Variants in ATG13 observed in about 807,000 individuals in gnomAD.
ATG13 encodes the protein autophagy-related protein 13.
A neutral mutation model predicts 65.5 loss-of-function variants in ATG13; 23 were observed. That is an observed-to-expected ratio of 0.35 (90% CI 0.25 to 0.50). The LOEUF (loss-of-function observed/expected upper bound fraction) is 0.50, where lower values mean the gene tolerates loss of function less well. Ranked by LOEUF, ATG13 falls within the 20% of genes least tolerant of loss-of-function variation. The pLI is 0.98. For missense variants in ATG13, 566 were observed against 677.0 expected, an observed-to-expected ratio of 0.84 and a Z score of 1.82; for synonymous variants, 252 against 245.2, an observed-to-expected ratio of 1.03 and a Z score of -0.26.
intron 14 of ATG13, among the ~76,000 whole-genome samples, chr11:46,666,888 AGTG>A (rs1289554792): frequency 6.6e-6 from 1 of 151,972 alleles, no homozygotes; most frequent in Non-Finnish European, 1.5e-5. Flanking sequence ...CCCACGGTAA[AGTG>A]GGAAGGAGTC....
At chr11:46,672,219 C>G in intron 18 of ATG13, 36 bp from the exon 19 acceptor site, 1 of 1,613,958 alleles carries the variant, frequency 6.2e-7, no homozygotes, top group East Asian at 2.2e-5. Context: ...AAGGCCCTGC[C>G]TGAATAAACG....
At position 46,620,003 on chromosome 11, in the gene ATG13, C is replaced by T. The variant is rs575604960; in HGVS notation, c.-70+2113C>T. 7.5e-5 allele frequency among the ~76,000 whole-genome samples: 11 copies of T among 146,168 alleles called. No homozygotes were observed. In the South Asian group the frequency reaches 1.8e-3, roughly 24 times the overall value. ...TAGATCACGCCATTGCACTCCAGCC[C>T]GGGAGACAGCGCCCCTCTGTCTCAA... is the stretch of plus-strand genomic sequence containing the variant. On this transcript the variant is annotated intron_variant, in intron 1 of 18. Coordinates refer to ENST00000683050, the MANE Select transcript of ATG13 (RefSeq NM_001346311.2).
At chr11:46,657,257 CT>C (rs1262294740) in intron 9 of ATG13, 66 bp downstream of exon 9, 4 of 1,405,368 alleles carry the variant, frequency 2.8e-6, no homozygotes, top group Admixed American at 1.7e-5. Flanking sequence ...TTCTCCTAAA[CT>C]TTAAGACTAA....
chr11:46,618,045 T>C (rs1047725860), intron 1 of ATG13, 155 bp downstream of exon 1: 2 of 395,932 alleles, frequency 5.1e-6, no homozygotes, highest in Non-Finnish European at 8.9e-6. Context: ...GGAAGTTGAG[T>C]TGGTCTAGGC....
intron 15 of ATG13, 110 bp downstream of exon 15, chr11:46,667,997 G>T (rs1263230282): frequency 2.4e-6 from 2 of 837,416 alleles, no homozygotes; most frequent in Non-Finnish European, 3.7e-6. Context: ...TACTGAACTG[G>T]CATGCAAAAC....
chr11:46,635,399 A>T (rs1354039805), intron 2 of ATG13, among the ~76,000 whole-genome samples: 1 of 152,214 alleles, frequency 6.6e-6, no homozygotes, highest in African/African-American at 2.4e-5. Context: ...TTGTGTAATG[A>T]TCAAATCAGG....
chr11:46,645,806 A>G, intron 4 of ATG13, 64 bp from the exon 5 acceptor site: 7 of 1,602,464 alleles, frequency 4.4e-6, no homozygotes, highest in Non-Finnish European at 6.0e-6. Flanking sequence ...CCCAGCATAC[A>G]CTAATTTCTT....
intron 11 of ATG13, 106 bp from the exon 12 acceptor site, chr11:46,663,891 T>C (rs1430313961): frequency 1.3e-6 from 1 of 798,514 alleles, no homozygotes; most frequent in East Asian, 2.6e-5. Flanking sequence ...AGTTCTGGCC[T>C]CTCTTGCTAC....
rs750053002 is a variant in ATG13 at position 46,671,398 on chromosome 11, A to G, written c.1576-857A>G. On this transcript the variant is annotated intron_variant, in intron 18 of 18. Transcript: ENST00000683050. Reference sequence around the variant, plus strand: ...GTTTTCCTCTGCTTCTGTCTTTACCATTCTCTCTCAATCTCTAACTCACCC... The same window carrying G: ...GTTTTCCTCTGCTTCTGTCTTTACCGTTCTCTCTCAATCTCTAACTCACCC... Among the ~76,000 whole-genome samples the G allele has an allele frequency of 5.3e-5, 8 of 152,166 alleles. No homozygotes were observed. In the South Asian group the frequency reaches 6.2e-4, roughly 12 times the overall value.
intron 16 of ATG13, 48 bp downstream of exon 16, chr11:46,668,624 A>G (rs750790911): frequency 1.3e-6 from 2 of 1,585,656 alleles, no homozygotes; most frequent in Non-Finnish European, 1.7e-6. Context: ...TGCGCTAGTC[A>G]TTGTTCTTCC....
chr11:46,648,360 AAATT>A (rs1304613099), intron 5 of ATG13, among the ~76,000 whole-genome samples: 1 of 152,188 alleles, frequency 6.6e-6, no homozygotes. Flanking sequence ...TTTCCCAAAG[AAATT>A]AATTGAGTTT....
intron 7 of ATG13, among the ~76,000 whole-genome samples, chr11:46,654,661 G>A (rs1427361425): frequency 6.6e-6 from 1 of 152,052 alleles, no homozygotes; most frequent in Non-Finnish European, 1.5e-5. Context: ...GGTTGAGGCT[G>A]CAGTGGGCAG....
chr11:46,622,073 TTACATATATATATA>T (rs1206236768), intron 1 of ATG13, among the ~76,000 whole-genome samples: 3 of 82,614 alleles, frequency 3.6e-5, no homozygotes, highest in African/African-American at 1.2e-4. Flanking sequence ...ATTTATTTAT[TTACATATATATATA>T]TATATATATA....
chr11:46,645,432 TATTTAC>T lies in ATG13; in HGVS notation c.150+14_150+19del, dbSNP rs529203319. On this transcript the variant is annotated intron_variant, in intron 4 of 18. Transcript: ENST00000683050. ...GGGTTCAGATTGGGTAAAATTCTAT[TATTTAC>T]TAAGGTGTATACTGTAGTGTTTGTC... The T allele has an allele frequency of 1.8e-4, 295 of 1,607,934 alleles. 6 individuals are homozygous for T. The South Asian group carries it at 2.9e-3, about 16-fold the overall frequency.
intron 11 of ATG13, among the ~76,000 whole-genome samples, chr11:46,663,038 G>C (rs982678709): frequency 6.6e-6 from 1 of 152,066 alleles, no homozygotes; most frequent in African/African-American, 2.4e-5. Context: ...GGCCGAGGTG[G>C]GCGGATCACG....
chr11:46,640,671 A>G (rs913805400), intron 2 of ATG13, among the ~76,000 whole-genome samples: 6 of 152,252 alleles, frequency 3.9e-5, no homozygotes, highest in African/African-American at 1.4e-4. Context: ...ATTAAAAAAT[A>G]CAACAATAAG....
chr11:46,669,436 G>C lies in ATG13; in HGVS notation c.1479G>C (p.Pro493=), dbSNP rs138352791. The change falls in exon 18 of 19, where the codon CCG becomes CCC. Residue 493 remains proline (P), a synonymous_variant. Coordinates refer to ENST00000683050, the MANE Select transcript of ATG13 (RefSeq NM_001346311.2). ...KPAFSKDDIL[P]MDLGTFYREF... is the part of the protein sequence containing the mutation. ...CTTTTTCTAAAGATGACATTCTTCC[G>C]ATGGACCTGGGGACCTTCTATCGGG... The C allele has an allele frequency of 6.2e-7, 1 of 1,614,092 alleles. No individual in the cohort carries two copies.
chr11:46,643,186 C>T (rs1444267584), intron 2 of ATG13, among the ~76,000 whole-genome samples: 2 of 152,122 alleles, frequency 1.3e-5, no homozygotes, highest in Non-Finnish European at 2.9e-5. Flanking sequence ...TTTCAAACGG[C>T]TGATTGAGGG....
Position 46,674,137 on chromosome 11 carries a change from T to A in ATG13, c.*1805T>A, listed in dbSNP as rs530678529. 6.6e-5 allele frequency: 10 copies of A among 152,372 alleles called. No homozygotes were observed. Among genetic ancestry groups the A allele is most frequent in the African/African-American group, 2.2e-4 (9 of 41,568 alleles). 9.4% of individuals were successfully genotyped at this position (152,372 alleles called of 1,614,324 possible). ...GGTAAGTTATTGATGCCCCCATATTTCAGCTACTGCTCTCTTTCCAAGGCC... is the reference window on the plus strand; with the variant it reads ...GGTAAGTTATTGATGCCCCCATATTACAGCTACTGCTCTCTTTCCAAGGCC... On this transcript the variant is annotated 3_prime_UTR_variant, in exon 19 of 19. Transcript: ENST00000683050.
Sources: gnomAD v4.1 joint callset for allele counts (sites outside exome capture counted in the v4.1 genomes callset) on GRCh38, gnomAD v4.1.1 for gene constraint, MANE v1.5 for transcripts, NCBI Gene and HGNC (gene_info 2026-07-23, HGNC 2026-07-21) for gene names.